Variants in MAP3K12 observed in about 807,000 individuals in gnomAD.
MAP3K12 encodes mitogen-activated protein kinase kinase kinase 12.
Under a neutral mutation model 87.5 loss-of-function variants are expected in MAP3K12, and 14 were observed. That is an observed-to-expected ratio of 0.16 (90% confidence interval 0.11 to 0.25). The LOEUF is 0.25. MAP3K12 is among the 10% of genes least tolerant of loss of function. The pLI is 1.00. For missense variants in MAP3K12, 802 were observed against 1,140.4 expected, an observed-to-expected ratio of 0.70 and a Z score of 4.27; for synonymous variants, 469 against 452.5, an observed-to-expected ratio of 1.04 and a Z score of -0.46.
intron 13 of MAP3K12, 100 bp downstream of exon 13, chr12:53,481,841 C>T: frequency 2.1e-6 from 3 of 1,428,062 alleles, no homozygotes; most frequent in Non-Finnish European, 2.9e-6. Context: ...ATGGTACTTT[C>T]TGGCCTGTGC....
intron 13 of MAP3K12, 91 bp downstream of exon 13, chr12:53,481,850 G>A: frequency 6.7e-7 from 1 of 1,483,408 alleles, no homozygotes; most frequent in Admixed American, 1.9e-5. Context: ...TCTGGCCTGT[G>A]CAGCTGTCTC....
At chr12:53,501,305 A>G (rs1193174332), upstream of MAP3K12, 2 of 1,356,760 alleles carry the variant, frequency 1.5e-6, no homozygotes, top group Non-Finnish European at 2.0e-6. Context: ...GGCGGGCCCT[A>G]CCGGCCGCGA....
At chr12:53,485,590 C>G (rs990750005) in intron 4 of MAP3K12, 115 bp from the exon 5 acceptor site, 1 of 1,222,144 alleles carries the variant, frequency 8.2e-7, no homozygotes, top group African/African-American at 1.5e-5. Flanking sequence ...GAGTCTCACT[C>G]TGTCACTCAG....
At position 53,485,643 on chromosome 12, in the gene MAP3K12, C is replaced by T. The variant is rs141277313; in HGVS notation, c.822-168G>A. 69 of 702,062 alleles carry T rather than the reference C, an allele frequency of 9.8e-5. No homozygotes were observed. In the African/African-American group the frequency reaches 1.2e-3, roughly 12 times the overall value. The allele number at this position is 702,062 out of a possible 1,614,324, so 43.5% of individuals were successfully genotyped here. A position where few individuals can be genotyped will look rare whatever the true frequency, so the allele number is the denominator to read the frequency against. On this transcript the variant is annotated intron_variant, in intron 4 of 13. Transcript: ENST00000547488. The stretch of plus-strand genomic sequence containing the variant: ...CAATCTCGGCTCACTGCAACCTCCA[C>T]CTCCTGGGTTCAAGTGATTCTCCTG...
Position 53,480,059 on chromosome 12 carries a change from C to G in MAP3K12, c.*1123G>C, listed in dbSNP as rs1335410613. ...CCAAAAGATTGAGGATTAGACTTTCCGAGGACTTACCTGTCCTAGGGGAGT... is the reference window on the plus strand; with the variant it reads ...CCAAAAGATTGAGGATTAGACTTTCGGAGGACTTACCTGTCCTAGGGGAGT... On this transcript the variant is annotated 3_prime_UTR_variant, in exon 14 of 14. Transcript: ENST00000547488. 1 of 151,618 alleles carries G rather than the reference C, an allele frequency of 6.6e-6. No homozygotes were observed. The highest frequency in any genetic ancestry group is 1.9e-4 in the East Asian group (1 of 5,166). 9.4% of individuals were successfully genotyped at this position (151,618 alleles called of 1,614,324 possible).
Position 53,485,231 on chromosome 12 carries a change from A to G in MAP3K12, c.981-17T>C. On this transcript the variant is annotated splice_polypyrimidine_tract_variant and intron_variant, in intron 5 of 13. Coordinates refer to ENST00000547488, the MANE Select transcript of MAP3K12 (RefSeq NM_001193511.2). ...CCAAAGGACCTAGGGATGAGGGGAC[A>G]TCACTTGTGCTCAAGCCCTAGAAGT... The G allele has an allele frequency of 6.2e-7, 1 of 1,605,282 alleles. No individual in the cohort carries two copies. Among genetic ancestry groups the G allele is most frequent in the Non-Finnish European group, 8.5e-7 (1 of 1,174,636 alleles).
Position 53,483,007 on chromosome 12 carries a change from A to T in MAP3K12, c.1796T>A (p.Val599Glu). 1 of 1,567,692 alleles carries T rather than the reference A, an allele frequency of 6.4e-7. No homozygotes were observed. The change falls in exon 11 of 14, where the codon GTG becomes GAG. Residue 599 changes from valine (V) to glutamate (E), a missense_variant. This residue lies in a region of MAP3K12 where 490 missense variants were observed against 496.6 expected (regional missense o/e 0.99). Transcript: ENST00000547488. ...TGGTCCTCCAGGTTCATGGGGTGGCACAGCTGTACGAAGCCCAGGCAGGTC... is the reference window on the plus strand; with the variant it reads ...TGGTCCTCCAGGTTCATGGGGTGGCTCAGCTGTACGAAGCCCAGGCAGGTC... ...CGDLPGLRTA[V>E]PPHEPGGPGS...
In MAP3K12 at chr12:53,480,566, C is replaced by G. The variant is rs906265908; in HGVS notation, c.*616G>C. ...TAGGACAGTCCCCACCCCAATCAGG[C>G]ACCAGGATAAAAGCAGGGACTTAAA... On this transcript the variant is annotated 3_prime_UTR_variant, in exon 14 of 14. Transcript: ENST00000547488. 5.9e-5 allele frequency: 9 copies of G among 152,624 alleles called. No individual in the cohort carries two copies. The highest frequency in any genetic ancestry group is 1.7e-4 in the African/African-American group (7 of 41,406). The allele number at this position is 152,624 out of a possible 1,614,324, so 9.5% of individuals were successfully genotyped here.
At chr12:53,489,628 A>G (rs953091859) in intron 1 of MAP3K12, among the ~76,000 whole-genome samples, 2 of 152,188 alleles carry the variant, frequency 1.3e-5, no homozygotes, top group Non-Finnish European at 2.9e-5. Flanking sequence ...CCCCTGGGTT[A>G]GTCTGGAAAT....
At chr12:53,491,302 A>AAAAAAAAAAGG (rs1943396731) in intron 1 of MAP3K12, among the ~76,000 whole-genome samples, 1 of 49,388 alleles carries the variant, frequency 2.0e-5, no homozygotes, top group African/African-American at 6.7e-5. Context: ...AAAAAAAAAA[A>AAAAAAAAAAGG]AAAGAAAAGA....
chr12:53,488,534 G>A (rs1943304131), intron 1 of MAP3K12, among the ~76,000 whole-genome samples: 1 of 152,182 alleles, frequency 6.6e-6, no homozygotes, highest in Non-Finnish European at 1.5e-5. Context: ...GGTGGCACAT[G>A]CCTGTAATCC....
intron 1 of MAP3K12, among the ~76,000 whole-genome samples, chr12:53,498,968 G>A (rs1943608642): frequency 5.5e-5 from 2 of 36,148 alleles, no homozygotes; most frequent in African/African-American, 1.9e-4. Context: ...GTGTGTGTGT[G>A]TGTGTGTGTG....
Position 53,486,535 on chromosome 12 carries a change from T to C in MAP3K12, c.533A>G (p.His178Arg), listed in dbSNP as rs199977017. The change falls in exon 3 of 14, where the codon CAC becomes CGC. Residue 178 changes from histidine to arginine, a missense_variant. Transcript: ENST00000547488. This position sits in a 1 kb window ranked among gnomAD's most constrained non-coding sequence, Gnocchi z 4.9. ...AQGAVFLGRF[H>R]GEEVAVKKVR... ...CTTCTTCACAGCCACCTCCTCCCCG[T>C]GGAAGCGCCCCAGGAAGACAGCACC... 9.2e-5 allele frequency: 149 copies of C among 1,614,086 alleles called. No homozygotes were observed. Among genetic ancestry groups the C allele is most frequent in the Non-Finnish European group, 6.2e-5 (73 of 1,180,002 alleles).
At chr12:53,500,480 A>T (rs1215401077), upstream of MAP3K12, 1 of 152,306 alleles carries the variant, frequency 6.6e-6, no homozygotes. Context: ...CGCCAGTTAA[A>T]GAGAGGTTCA....
rs1943065691 is a variant in MAP3K12 at position 53,481,940 on chromosome 12, C to T, written c.2580+1G>A. On this transcript the variant is annotated splice_donor_variant, in intron 13 of 13. Transcript: ENST00000547488. LOFTEE classifies it high-confidence loss of function. ...CTGCTTTTTGCTGTTGTGCCACTCA[C>T]CCGCTCTCTGAGAAGTTCCTGGTGT... 4 of 1,611,068 alleles carry T rather than the reference C, an allele frequency of 2.5e-6. No individual in the cohort carries two copies. The highest frequency in any genetic ancestry group is 3.4e-6 in the Non-Finnish European group (4 of 1,177,648).
Position 53,482,793 on chromosome 12 carries a change from C to A in MAP3K12, c.2010G>T (p.Pro670=). 1 of 1,611,998 alleles carries A rather than the reference C, an allele frequency of 6.2e-7. No homozygotes were observed. Among genetic ancestry groups the A allele is most frequent in the South Asian group, 1.1e-5 (1 of 90,976 alleles). The stretch of plus-strand genomic sequence containing the variant: ...CACTTGGTGGGGTGTCACCCCGGGC[C>A]GGAGGTGGTGAGCCAGGATCCCCAG... ...GGAGDPGSPP[P]ARGDTPPSEG... is the part of the protein sequence containing the mutation. The change falls in exon 11 of 14, where the codon CCG becomes CCT. Residue 670 remains proline (P), a synonymous_variant. Transcript: ENST00000547488.
At position 53,481,158 on chromosome 12, in the gene MAP3K12, A is replaced by G. The variant is rs763809039; in HGVS notation, c.*24T>C. ...ATATAATTTATATAAATATTTCTCT[A>G]TGTACAAGGAATACGAGTGGCTTTC... On this transcript the variant is annotated 3_prime_UTR_variant, in exon 14 of 14. Coordinates refer to ENST00000547488, the MANE Select transcript of MAP3K12 (RefSeq NM_001193511.2). 1.0e-5 allele frequency: 12 copies of G among 1,189,490 alleles called. No individual in the cohort carries two copies. The highest frequency in any genetic ancestry group is 4.8e-5 in the South Asian group (2 of 41,564). 73.7% of individuals were successfully genotyped at this position (1,189,490 alleles called of 1,614,324 possible).
chr12:53,486,312 A>G lies in MAP3K12; in HGVS notation c.630-65T>C, dbSNP rs1024248094. The stretch of plus-strand genomic sequence containing the variant: ...AGCATTCACCTGATTCATACCTGGA[A>G]CCCCCATTCCCACCCATTCCACCTA... On this transcript the variant is annotated intron_variant, in intron 3 of 13. Coordinates refer to ENST00000547488, the MANE Select transcript of MAP3K12 (RefSeq NM_001193511.2). This position sits in a 1 kb window ranked among gnomAD's most constrained non-coding sequence, Gnocchi z 4.9. 58 of 1,552,084 alleles carry G rather than the reference A, an allele frequency of 3.7e-5. No individual in the cohort carries two copies. Among genetic ancestry groups the G allele is most frequent in the Non-Finnish European group, 5.0e-5 (57 of 1,145,328 alleles).
rs1255012336 is a variant in MAP3K12, at chr12:53,479,839, G to A, written c.*1343C>T. ...GAAACTGGATGCCACAGTGATTCAT[G>A]TGGGTTTTATTCCTCTTGTCTTGCT... is the stretch of plus-strand genomic sequence containing the variant. On this transcript the variant is annotated 3_prime_UTR_variant, in exon 14 of 14. Transcript: ENST00000547488. The A allele has an allele frequency of 6.3e-6, 1 of 159,418 alleles. No homozygotes were observed. The highest frequency in any genetic ancestry group is 1.4e-5 in the Non-Finnish European group (1 of 73,046). The allele number at this position is 159,418 out of a possible 1,614,324, so 9.9% of individuals were successfully genotyped here.
Sources: allele counts gnomAD v4.1 joint callset (sites outside exome capture counted in the v4.1 genomes callset), GRCh38; gene constraint gnomAD v4.1.1; regional missense constraint gnomAD v4.1.1; non-coding constraint Gnocchi (gnomAD v3.1); transcripts MANE v1.5; gene names NCBI Gene and HGNC (gene_info 2026-07-23, HGNC 2026-07-21).